The following TENM2 variants were observed in gnomAD, a reference collection of about 807,000 sequenced individuals.
TENM2 encodes teneurin-2.
A neutral mutation model predicts 245.2 loss-of-function variants in TENM2; 52 were observed. The observed-to-expected ratio is 0.21, with a 90% confidence interval of 0.17 to 0.27. The LOEUF (loss-of-function observed/expected upper bound fraction) is 0.27. TENM2 is among the 10% of genes least tolerant of loss of function. The probability of loss-of-function intolerance (pLI) is 1.00; values close to 1 mark genes in which losing one functional copy is unlikely to be tolerated. For synonymous variants in TENM2, 1,363 were observed against 1,438.9 expected, an observed-to-expected ratio of 0.95 and a Z score of 1.19; for missense variants, 3,046 against 3,666.8, an observed-to-expected ratio of 0.83 and a Z score of 4.37.
Position 168,248,264 on chromosome 5 carries a change from A to G in TENM2, c.7325A>G (p.Tyr2442Cys), listed in dbSNP as rs747784498. 21 of 1,614,036 alleles carry G rather than the reference A, an allele frequency of 1.3e-5. No homozygotes were observed. In the South Asian group the frequency reaches 2.3e-4, roughly 18 times the overall value. ...GCAGGACGATGGACCTCCCCAGACTATACCATGTGGAAAAACGTGGGCAAG... is the reference window on the plus strand; with the variant it reads ...GCAGGACGATGGACCTCCCCAGACTGTACCATGTGGAAAAACGTGGGCAAG... The change falls in exon 27 of 29, where the codon TAT (tyrosine) becomes TGT (cysteine). Residue 2442 changes from tyrosine to cysteine, a missense_variant. Coordinates refer to ENST00000518659, the Ensembl canonical transcript of TENM2.
chr5:167,716,931 AT>A (rs1445223023), intron 2 of TENM2, among the ~76,000 whole-genome samples: 2 of 133,996 alleles, frequency 1.5e-5, no homozygotes, highest in African/African-American at 3.2e-5. Flanking sequence ...ATTTTATTTT[AT>A]TTTATTTTAT....
At chr5:167,535,406 A>G (rs1263632761) in intron 2 of TENM2, among the ~76,000 whole-genome samples, 1 of 152,056 alleles carries the variant, frequency 6.6e-6, no homozygotes, top group African/African-American at 2.4e-5. Flanking sequence ...AAGAAAAGCC[A>G]AAGTCATAGG....
chr5:167,702,897 C>T (rs1424221516), intron 2 of TENM2, among the ~76,000 whole-genome samples: 1 of 151,828 alleles, frequency 6.6e-6, no homozygotes, highest in Non-Finnish European at 1.5e-5. Context: ...ACTCCTGACC[C>T]CATGATTCGC....
chr5:166,991,007 A>G, the TENM2 span, among the ~76,000 whole-genome samples: 1 of 152,160 alleles, frequency 6.6e-6, no homozygotes, highest in Non-Finnish European at 1.5e-5. Context: ...AAGAAAGCAA[A>G]AGAGAAAAAA....
At chr5:167,079,710 C>T in the TENM2 span, among the ~76,000 whole-genome samples, 2 of 152,074 alleles carry the variant, frequency 1.3e-5, no homozygotes, top group Non-Finnish European at 1.5e-5. Flanking sequence ...TTTTGAAGTG[C>T]GTTTATAAAG....
chr5:167,185,821 G>A, the TENM2 span, among the ~76,000 whole-genome samples: 1 of 152,028 alleles, frequency 6.6e-6, no homozygotes, highest in Non-Finnish European at 1.5e-5. Flanking sequence ...TCTTTGCGGG[G>A]ACAGGAGACA....
At chr5:168,040,700 T>A (rs1330032136) in intron 5 of TENM2, among the ~76,000 whole-genome samples, 1 of 152,204 alleles carries the variant, frequency 6.6e-6, no homozygotes, top group Non-Finnish European at 1.5e-5. Context: ...CATTACTTCT[T>A]TCAGGCTGAA....
intron 6 of TENM2, among the ~76,000 whole-genome samples, chr5:168,060,909 C>T (rs367857223): frequency 3.9e-5 from 6 of 152,118 alleles, no homozygotes; most frequent in African/African-American, 9.7e-5. Flanking sequence ...TCATCTGAAA[C>T]CTTTGCAATA....
Position 167,803,131 on chromosome 5 carries a change from C to T in TENM2, c.503-72855C>T, listed in dbSNP as rs1243986496. ...TGGCCAATCACTTCTCTGAGTTTAT[C>T]AAATTCTTTACCTCTTACACAGTGA... On this transcript the variant is annotated intron_variant, in intron 2 of 28. Coordinates refer to ENST00000518659, the Ensembl canonical transcript of TENM2. 9.2e-5 allele frequency among the ~76,000 whole-genome samples: 14 copies of T among 152,226 alleles called. No homozygotes were observed. In the South Asian group the frequency reaches 2.9e-3, roughly 32 times the overall value.
chr5:167,802,167 C>T (rs1343069065), intron 2 of TENM2, among the ~76,000 whole-genome samples: 1 of 152,104 alleles, frequency 6.6e-6, no homozygotes, highest in Non-Finnish European at 1.5e-5. Flanking sequence ...GGCCTAATCA[C>T]CTCTTAAAGG....
chr5:167,703,530 CAAAAAAA>C (rs747603141), intron 2 of TENM2, among the ~76,000 whole-genome samples: 1 of 97,170 alleles, frequency 1.0e-5, no homozygotes, highest in African/African-American at 3.2e-5. Context: ...GAAACCATCT[CAAAAAAA>C]AAAAAAAAAA....
At chr5:167,672,105 A>G (rs1004875041) in intron 2 of TENM2, among the ~76,000 whole-genome samples, 2 of 152,100 alleles carry the variant, frequency 1.3e-5, no homozygotes, top group Non-Finnish European at 2.9e-5. Context: ...AAGATGATTT[A>G]TAGTAAATCT....
At chr5:167,604,152 A>G (rs546395841) in intron 2 of TENM2, among the ~76,000 whole-genome samples, 11 of 152,310 alleles carry the variant, frequency 7.2e-5, no homozygotes, top group Non-Finnish European at 1.3e-4. Context: ...TAAAAATACG[A>G]AACAACAGTA....
chr5:167,899,434 T>C (rs1214031474), intron 3 of TENM2, among the ~76,000 whole-genome samples: 2 of 152,202 alleles, frequency 1.3e-5, no homozygotes, highest in Non-Finnish European at 2.9e-5. Context: ...ATAATAATAA[T>C]AATTGGTGTT....
intron 2 of TENM2, among the ~76,000 whole-genome samples, chr5:167,521,192 C>CA (rs758899012): frequency 1.9e-4 from 29 of 151,952 alleles, no homozygotes; most frequent in Non-Finnish European, 3.4e-4. Context: ...TATTTATAGC[C>CA]AGAGACAAAG....
upstream of TENM2, among the ~76,000 whole-genome samples, chr5:167,279,828 C>A (rs969077428): frequency 6.6e-6 from 1 of 152,046 alleles, no homozygotes; most frequent in Non-Finnish European, 1.5e-5. Context: ...CATAATTGTC[C>A]ATTGAAGCAA....
intron 1 of TENM2, among the ~76,000 whole-genome samples, chr5:167,318,508 A>C (rs1030943940): frequency 6.6e-6 from 1 of 152,020 alleles, no homozygotes; most frequent in Non-Finnish European, 1.5e-5. Flanking sequence ...TAACTATCTC[A>C]GTGATTAAAG....
At chr5:168,245,668 G>A (rs1766496695) in intron 26 of TENM2, among the ~76,000 whole-genome samples, 2 of 151,810 alleles carry the variant, frequency 1.3e-5, no homozygotes, top group African/African-American at 4.8e-5. Flanking sequence ...GCTCAACCCG[G>A]GCCTCTCACC....
rs559902595 is a variant in TENM2 at position 167,960,244 on chromosome 5, C to T, written c.947+7422C>T. 2.0e-5 allele frequency among the ~76,000 whole-genome samples: 3 copies of T among 152,364 alleles called. No homozygotes were observed. In the South Asian group the frequency reaches 6.2e-4, roughly 32 times the overall value. ...ACTGTGCTGGGAGATCCGCTGCTCT[C>T]TTCAGAGCCGGCAGGGTGGGAATGT... is the stretch of plus-strand genomic sequence containing the variant. On this transcript the variant is annotated intron_variant, in intron 4 of 28. Transcript: ENST00000518659.
Sources: allele counts gnomAD v4.1 joint callset (sites outside exome capture counted in the v4.1 genomes callset), GRCh38; gene constraint gnomAD v4.1.1; transcripts MANE v1.5; gene names NCBI Gene and HGNC (gene_info 2026-07-23, HGNC 2026-07-21).